USP7: variants seen among roughly 807,000 people sequenced by gnomAD.
The protein encoded by USP7 is ubiquitin C-terminal hydrolase 7.
USP7 carries 9 observed loss-of-function variants against 162.9 expected under a neutral mutation model. The ratio of observed to expected loss-of-function variants is 0.06; its 90% CI spans 0.03 to 0.10. USP7 has a LOEUF of 0.10. Ranked by LOEUF, USP7 falls within the 10% of genes least tolerant of loss-of-function variation. The probability of loss-of-function intolerance (pLI) is 1.00; values close to 1 mark genes in which losing one functional copy is unlikely to be tolerated. For missense variants in USP7, 715 were observed against 1,373.7 expected (o/e 0.52, Z 7.58); for synonymous variants, 562 against 475.9 (o/e 1.18, Z -2.35).
rs147141621 is a variant in USP7 at position 8,926,849 on chromosome 16, C to T, written c.185-3436G>A. Among the ~76,000 whole-genome samples the T allele has an allele frequency of 4.6e-5, 7 of 152,294 alleles. No individual in the cohort carries two copies. The East Asian group carries it at 5.8e-4, about 13-fold the overall frequency. On this transcript the variant is annotated intron_variant, in intron 2 of 30. Coordinates refer to ENST00000344836, the MANE Select transcript of USP7 (RefSeq NM_003470.3). ...CTACAAACTGGTGTCACCACAAATC[C>T]TCAACCAGATTCCTTGATAACTCTC...
intron 1 of USP7, among the ~76,000 whole-genome samples, chr16:8,946,987 G>A (rs1266550491): frequency 1.3e-5 from 2 of 152,196 alleles, no homozygotes; most frequent in Non-Finnish European, 2.9e-5. Flanking sequence ...TAAGGTAATG[G>A]GGCGGGGTGA....
chr16:8,951,523 G>C (rs945853609), intron 1 of USP7, among the ~76,000 whole-genome samples: 1 of 152,168 alleles, frequency 6.6e-6, no homozygotes, highest in African/African-American at 2.4e-5. Context: ...GGCTTGGAGA[G>C]AGCCCCTGGA....
Position 8,906,579 on chromosome 16 carries a change from A to C in USP7, c.1275T>G (p.Phe425Leu). The C allele has an allele frequency of 1.2e-6, 2 of 1,610,626 alleles. No individual in the cohort carries two copies. Among genetic ancestry groups the C allele is most frequent in the Non-Finnish European group, 1.7e-6 (2 of 1,179,154 alleles). ...CAAGTGGTAACTGCTCTGGGAATTC[A>C]AACCTATTAGAAAACATTTTAAAAG... Reference protein sequence around the residue: ...TDQNIKINDRFEFPEQLPLDE... With the variant: ...TDQNIKINDRLEFPEQLPLDE... The change falls in exon 13 of 31, where the codon TTT becomes TTG. Residue 425 changes from phenylalanine (F) to leucine (L), a missense_variant. This residue lies in a region of USP7 where 31 missense variants were observed against 135.9 expected (regional missense o/e 0.23). Coordinates refer to ENST00000344836, the MANE Select transcript of USP7 (RefSeq NM_003470.3).
chr16:8,901,848 CT>C (rs2061779744), intron 18 of USP7: 1 of 546,534 alleles, frequency 1.8e-6, no homozygotes, highest in African/African-American at 1.9e-5. Flanking sequence ...GCAGCTGAGA[CT>C]GAAGACAGAA....
At chr16:8,916,370 G>C in intron 8 of USP7, 132 bp downstream of exon 8, 1 of 910,068 alleles carries the variant, frequency 1.1e-6, no homozygotes, top group Non-Finnish European at 1.6e-6. Context: ...CTGCCTTTTT[G>C]TAGCCTAAGT....
In USP7 at chr16:8,963,643, C is replaced by T. The variant is rs1173199548; in HGVS notation, c.-358G>A. ...CGGGGCTGCGGGGCCGCGGGCCGGC[C>T]GGGGGCGGAGGGCGGCCGGTCGGGG... is the stretch of plus-strand genomic sequence containing the variant. On this transcript the variant is annotated 5_prime_UTR_variant, in exon 1 of 31. Transcript: ENST00000344836. Among the ~76,000 whole-genome samples the T allele has an allele frequency of 2.4e-4, 34 of 142,480 alleles. No homozygotes were observed. Among genetic ancestry groups the T allele is most frequent in the African/African-American group, 7.8e-4 (31 of 39,780 alleles). The allele number at this position is 142,480 out of a possible 152,430, so 93.5% of individuals were successfully genotyped here. A position where few individuals can be genotyped will look rare whatever the true frequency, so the allele number is the denominator to read the frequency against.
At chr16:8,952,178 A>T (rs1327042426) in intron 1 of USP7, among the ~76,000 whole-genome samples, 3 of 152,128 alleles carry the variant, frequency 2.0e-5, no homozygotes, top group African/African-American at 7.2e-5. Context: ...GAGCCCCAGG[A>T]GTTTGAGGCT....
intron 1 of USP7, among the ~76,000 whole-genome samples, chr16:8,945,355 G>C (rs960624227): frequency 1.3e-5 from 2 of 152,202 alleles, no homozygotes; most frequent in Admixed American, 6.5e-5. Context: ...CTGTACTCCA[G>C]CTTGGGCAAC....
At chr16:8,904,649 A>G in intron 14 of USP7, 84 bp from the exon 15 acceptor site, 1 of 1,555,692 alleles carries the variant, frequency 6.4e-7, no homozygotes, top group Non-Finnish European at 8.6e-7. Context: ...ATCATTAATA[A>G]AATAATCTAT....
rs2061670626 is a variant in USP7 at position 8,895,710 on chromosome 16, C to G, written c.2851G>C (p.Gly951Arg). 1 of 1,611,590 alleles carries G rather than the reference C, an allele frequency of 6.2e-7. No homozygotes were observed. Among genetic ancestry groups the G allele is most frequent in the Admixed American group, 1.7e-5 (1 of 59,582 alleles). Residue 951 changes from glycine to arginine, a missense_variant, in exon 27 of 31, where the codon GGT (glycine) becomes CGT (arginine). This residue lies in a region of USP7 where 222 missense variants were observed against 441.7 expected (regional missense o/e 0.50). Transcript: ENST00000344836. ...AATAGTTCATCTTCTTGATGAACAC[C>G]AATGATTTTGTAGCTTACAATTTCT... ...LLEIVSYKII[G>R]VHQEDELLEC... is the part of the protein sequence containing the mutation.
At chr16:8,959,046 C>G (rs1414221333) in intron 1 of USP7, among the ~76,000 whole-genome samples, 1 of 152,184 alleles carries the variant, frequency 6.6e-6, no homozygotes, top group African/African-American at 2.4e-5. Context: ...TGCAAAAGCC[C>G]TACCACCAAG....
chr16:8,931,666 A>C (rs11863279), intron 1 of USP7, among the ~76,000 whole-genome samples: 5 of 152,148 alleles, frequency 3.3e-5, no homozygotes, highest in Admixed American at 6.5e-5. Flanking sequence ...ACCACTGGTA[A>C]ATAAGGTGTA....
At chr16:8,906,231 A>C (rs1202744658) in intron 13 of USP7, among the ~76,000 whole-genome samples, 195 bp downstream of exon 13, 1 of 152,270 alleles carries the variant, frequency 6.6e-6, no homozygotes, top group Non-Finnish European at 1.5e-5. Context: ...AAAGAGAAGC[A>C]CAAATGCTAA....
intron 11 of USP7, among the ~76,000 whole-genome samples, chr16:8,910,055 C>A (rs536483665): frequency 6.6e-6 from 1 of 152,316 alleles, no homozygotes; most frequent in East Asian, 1.9e-4. Context: ...ACTATATACA[C>A]TGGCAGGCTT....
intron 12 of USP7, among the ~76,000 whole-genome samples, 182 bp downstream of exon 12, chr16:8,908,159 C>T (rs1199684374): frequency 2.0e-5 from 3 of 152,182 alleles, no homozygotes; most frequent in African/African-American, 7.2e-5. Flanking sequence ...AGAGGTTGAC[C>T]TCTGAAACTT....
intron 1 of USP7, among the ~76,000 whole-genome samples, chr16:8,956,778 A>AAAAC (rs1555472211): frequency 2.0e-5 from 3 of 149,870 alleles, no homozygotes; most frequent in Non-Finnish European, 4.4e-5. Context: ...AACAAAAACA[A>AAAAC]AAAAAAAAAA....
intron 1 of USP7, among the ~76,000 whole-genome samples, chr16:8,931,896 G>A (rs1231501479): frequency 6.6e-6 from 1 of 152,170 alleles, no homozygotes; most frequent in Non-Finnish European, 1.5e-5. Flanking sequence ...GGCTTTCCCT[G>A]GTGCACTGGA....
intron 11 of USP7, among the ~76,000 whole-genome samples, chr16:8,908,824 G>GA (rs1375918247): frequency 6.6e-6 from 1 of 152,174 alleles, no homozygotes; most frequent in African/African-American, 2.4e-5. Context: ...TCATTAAATG[G>GA]AAAATCAGAA....
chr16:8,906,211 G>A (rs964944427), intron 13 of USP7, among the ~76,000 whole-genome samples: 2 of 152,188 alleles, frequency 1.3e-5, no homozygotes, highest in South Asian at 4.1e-4. Flanking sequence ...GCCCAACATT[G>A]ATTACTCACA....
Sources: allele counts gnomAD v4.1 joint callset (sites outside exome capture counted in the v4.1 genomes callset), GRCh38; gene constraint gnomAD v4.1.1; regional missense constraint gnomAD v4.1.1; transcripts MANE v1.5; gene names NCBI Gene and HGNC (gene_info 2026-07-23, HGNC 2026-07-21).